The following SLC5A12 variants were observed in gnomAD, a reference collection of about 807,000 sequenced individuals.
SLC5A12 encodes solute carrier family 5 member 12, also known as sodium-coupled monocarboxylate transporter 2.
Under a neutral mutation model 72.7 loss-of-function variants are expected in SLC5A12, and 46 were observed. The ratio of observed to expected loss-of-function variants is 0.63; its 90% CI spans 0.50 to 0.81. SLC5A12 has a LOEUF of 0.81. SLC5A12 is among the 30% of genes least tolerant of loss of function. SLC5A12 has a pLI of 0.00. For synonymous variants in SLC5A12, 275 were observed against 264.4 expected, an observed-to-expected ratio of 1.04 and a Z score of -0.39; for missense variants, 683 against 740.7, an observed-to-expected ratio of 0.92 and a Z score of 0.90.
At chr11:26,688,988 T>C (rs1423275594) in intron 9 of SLC5A12, among the ~76,000 whole-genome samples, 2 of 150,906 alleles carry the variant, frequency 1.3e-5, no homozygotes, top group African/African-American at 4.9e-5. Context: ...ATCTGTGGTA[T>C]ATCCATATGT....
chr11:26,713,721 A>C (rs1184526504), intron 1 of SLC5A12, among the ~76,000 whole-genome samples: 1 of 152,162 alleles, frequency 6.6e-6, no homozygotes, highest in Non-Finnish European at 1.5e-5. Context: ...TACTGTATAA[A>C]TTAATTGCCA....
chr11:26,702,362 G>A (rs1429592816), intron 6 of SLC5A12, among the ~76,000 whole-genome samples: 3 of 152,104 alleles, frequency 2.0e-5, no homozygotes, highest in South Asian at 2.1e-4. Flanking sequence ...TGGTTGAATC[G>A]TTTCCAGGCA....
At chr11:26,683,399 T>A (rs892230172) in intron 11 of SLC5A12, among the ~76,000 whole-genome samples, 1 of 152,180 alleles carries the variant, frequency 6.6e-6, no homozygotes, top group Non-Finnish European at 1.5e-5. Context: ...GAGATTTACA[T>A]TTGTAAATAC....
In SLC5A12 at chr11:26,721,738, G is replaced by C; in HGVS notation, c.-24C>G. 6.3e-7 allele frequency: 1 copy of C among 1,592,822 alleles called. No individual in the cohort carries two copies. The highest frequency in any genetic ancestry group is 8.6e-7 in the Non-Finnish European group (1 of 1,168,254). On this transcript the variant is annotated 5_prime_UTR_variant, in exon 1 of 15. Coordinates refer to ENST00000396005, the MANE Select transcript of SLC5A12 (RefSeq NM_178498.4). Reference sequence around the variant, plus strand: ...ATATTGGAAAGTATGACACCAGAGAGTTTCTTTCAACGAGGTCTCAGGAAG... The same window carrying C: ...ATATTGGAAAGTATGACACCAGAGACTTTCTTTCAACGAGGTCTCAGGAAG...
At chr11:26,684,855 C>G (rs1046408961) in intron 10 of SLC5A12, among the ~76,000 whole-genome samples, 2 of 152,076 alleles carry the variant, frequency 1.3e-5, no homozygotes, top group African/African-American at 4.8e-5. Flanking sequence ...ATTATTGTGG[C>G]GCACAAGACA....
At chr11:26,693,103 CA>C (rs1854723336) in intron 8 of SLC5A12, among the ~76,000 whole-genome samples, 1 of 152,130 alleles carries the variant, frequency 6.6e-6, no homozygotes, top group South Asian at 2.1e-4. Flanking sequence ...AACTGGGACA[CA>C]AACATTTAAC....
chr11:26,716,256 G>GT (rs1855347807), intron 1 of SLC5A12: 1 of 152,152 alleles, frequency 6.6e-6, no homozygotes, highest in Non-Finnish European at 1.5e-5. Flanking sequence ...CTAGGGAAAA[G>GT]CTATATGAAT....
chr11:26,676,444 A>G (rs1002037968), intron 13 of SLC5A12, among the ~76,000 whole-genome samples: 1 of 152,038 alleles, frequency 6.6e-6, no homozygotes, highest in Non-Finnish European at 1.5e-5. Context: ...AAAATAATAG[A>G]TTGATAACTA....
chr11:26,676,785 A>G (rs1320106776), intron 13 of SLC5A12, among the ~76,000 whole-genome samples: 3 of 152,226 alleles, frequency 2.0e-5, no homozygotes, highest in African/African-American at 7.2e-5. Context: ...GATTAATGAT[A>G]TAAACTTCCT....
At chr11:26,689,365 A>T (rs759719724) in intron 9 of SLC5A12, among the ~76,000 whole-genome samples, 2 of 152,156 alleles carry the variant, frequency 1.3e-5, no homozygotes, top group African/African-American at 2.4e-5. Flanking sequence ...GCACCACTGC[A>T]TTCCAGCCTG....
chr11:26,690,794 CA>C (rs11454502), intron 9 of SLC5A12, among the ~76,000 whole-genome samples: 100 of 135,472 alleles, frequency 7.4e-4, no homozygotes, highest in Middle Eastern at 4.1e-3. Flanking sequence ...AACTCTGTCT[CA>C]AAAAAAAAAA....
chr11:26,693,042 T>C (rs948195490), intron 8 of SLC5A12, among the ~76,000 whole-genome samples: 26 of 152,234 alleles, frequency 1.7e-4, no homozygotes, highest in African/African-American at 5.3e-4. Context: ...TTATTCATTC[T>C]GGGTATCAAG....
chr11:26,688,058 A>C (rs900154475), intron 9 of SLC5A12, among the ~76,000 whole-genome samples: 2 of 152,114 alleles, frequency 1.3e-5, no homozygotes, highest in African/African-American at 2.4e-5. Flanking sequence ...GCCATCCCTC[A>C]ATTCATAAGT....
chr11:26,715,484 C>A (rs1358564405), intron 1 of SLC5A12, among the ~76,000 whole-genome samples: 1 of 152,122 alleles, frequency 6.6e-6, no homozygotes, highest in African/African-American at 2.4e-5. Context: ...GATTGAACCC[C>A]AGTTGTTCAC....
At chr11:26,719,082 A>G (rs1855418596) in intron 1 of SLC5A12, among the ~76,000 whole-genome samples, 1 of 152,224 alleles carries the variant, frequency 6.6e-6, no homozygotes, top group Non-Finnish European at 1.5e-5. Context: ...TGCAGTAACT[A>G]GGCCATTTTA....
chr11:26,668,384 T>G lies in SLC5A12; in HGVS notation c.*2718A>C, dbSNP rs1246024189. ...ACTCATCATTCCTAGTGCCATTTAT[T>G]GAGAATGTCTCTGGTCATGCTGTGG... On this transcript the variant is annotated 3_prime_UTR_variant, in exon 15 of 15. Transcript: ENST00000396005. 6.6e-6 allele frequency: 1 copy of G among 152,080 alleles called. No individual in the cohort carries two copies. The highest frequency in any genetic ancestry group is 1.5e-5 in the Non-Finnish European group (1 of 68,002). 9.4% of individuals were successfully genotyped at this position (152,080 alleles called of 1,614,324 possible).
chr11:26,721,307 C>A, intron 1 of SLC5A12, 69 bp downstream of exon 1: 1 of 1,155,248 alleles, frequency 8.7e-7, no homozygotes, highest in South Asian at 1.6e-5. Context: ...GAGTGTTCTT[C>A]AACTACCAGG....
At chr11:26,698,614 G>A in intron 6 of SLC5A12, 79 bp from the exon 7 acceptor site, 2 of 1,419,790 alleles carry the variant, frequency 1.4e-6, no homozygotes, top group East Asian at 2.4e-5. Context: ...GGTACTCAAG[G>A]TAAAGGGTTT....
chr11:26,709,158 C>T (rs1855160485), intron 4 of SLC5A12, 154 bp downstream of exon 4: 1 of 510,914 alleles, frequency 2.0e-6, no homozygotes, highest in Non-Finnish European at 3.5e-6. Context: ...AACAACAGCA[C>T]CTTCCTCAGG....
Sources: allele counts gnomAD v4.1 joint callset (sites outside exome capture counted in the v4.1 genomes callset), GRCh38; gene constraint gnomAD v4.1.1; transcripts MANE v1.5; gene names NCBI Gene and HGNC (gene_info 2026-07-23, HGNC 2026-07-21).